KATNAL2: variants seen among roughly 807,000 people sequenced by gnomAD.
The protein encoded by KATNAL2 is katanin catalytic subunit A1 like 2.
A neutral mutation model predicts 76.3 loss-of-function variants in KATNAL2; 52 were observed. That is an observed-to-expected ratio of 0.68 (90% CI 0.55 to 0.86). The LOEUF is 0.86. Ranked by LOEUF, KATNAL2 falls within the 40% of genes least tolerant of loss-of-function variation. KATNAL2 has a pLI of 0.00. For synonymous variants in KATNAL2, 243 were observed against 244.2 expected, an observed-to-expected ratio of 1.00 and a Z score of 0.05; for missense variants, 660 against 668.9, an observed-to-expected ratio of 0.99 and a Z score of 0.15.
chr18:46,953,783 A>G (rs1938378296), intron 3 of KATNAL2, among the ~76,000 whole-genome samples: 1 of 151,908 alleles, frequency 6.6e-6, no homozygotes, highest in Admixed American at 6.6e-5. Flanking sequence ...AAAAAATGAG[A>G]CACCTAAAAT....
intron 15 of KATNAL2, chr18:47,091,144 GGA>G (rs1268957442): frequency 6.6e-6 from 1 of 152,210 alleles, no homozygotes; most frequent in Non-Finnish European, 1.5e-5. Flanking sequence ...GTTTAACAGT[GGA>G]GACAGGACGA....
At chr18:46,936,111 C>T (rs928795900) in intron 1 of KATNAL2, among the ~76,000 whole-genome samples, 6 of 152,084 alleles carry the variant, frequency 3.9e-5, no homozygotes, top group African/African-American at 1.4e-4. Context: ...AGACAAAATC[C>T]ACTTTTCTAT....
chr18:46,919,506 G>A (rs1212823086), intron 1 of KATNAL2, among the ~76,000 whole-genome samples: 1 of 150,078 alleles, frequency 6.7e-6, no homozygotes, highest in East Asian at 2.0e-4. Flanking sequence ...AAAATTAGCC[G>A]GGTGTGGTGG....
At position 47,044,051 on chromosome 18, in the gene KATNAL2, T is replaced by C. The variant is rs1002664860; in HGVS notation, c.52-2406T>C. Among the ~76,000 whole-genome samples, 5 of 152,174 alleles carry C rather than the reference T, an allele frequency of 3.3e-5. No individual in the cohort carries two copies. In the East Asian group the frequency reaches 9.6e-4, roughly 29 times the overall value. Reference sequence around the variant, plus strand: ...AACAATGATATATTATTTAGAAACATGGAAGTACATATCAGAAGAAACAGC... The same window carrying C: ...AACAATGATATATTATTTAGAAACACGGAAGTACATATCAGAAGAAACAGC... On this transcript the variant is annotated intron_variant, in intron 3 of 17. Coordinates refer to ENST00000683218, the MANE Select transcript of KATNAL2 (RefSeq NM_001387690.1).
intron 15 of KATNAL2, among the ~76,000 whole-genome samples, chr18:47,097,068 G>C (rs1253659406): frequency 6.8e-6 from 1 of 146,644 alleles, no homozygotes; most frequent in Non-Finnish European, 1.5e-5. Context: ...GCAGTGAGCT[G>C]TGACGGCACC....
At chr18:47,093,099 T>C (rs1382130413) in intron 15 of KATNAL2, among the ~76,000 whole-genome samples, 1 of 152,216 alleles carries the variant, frequency 6.6e-6, no homozygotes, top group Non-Finnish European at 1.5e-5. Context: ...TTTATGATCC[T>C]TTCTTTGTTC....
At chr18:46,962,090 C>A (rs2059993514) in intron 3 of KATNAL2, among the ~76,000 whole-genome samples, 1 of 152,240 alleles carries the variant, frequency 6.6e-6, no homozygotes, top group East Asian at 1.9e-4. Flanking sequence ...CTATTTTCAG[C>A]CACTTGAGCA....
intron 1 of KATNAL2, chr18:46,920,152 A>G: frequency 8.9e-7 from 1 of 1,128,012 alleles, no homozygotes; most frequent in Non-Finnish European, 1.2e-6. Flanking sequence ...TTTGACTGCA[A>G]AGAGTTCTAG....
chr18:47,049,748 C>G (rs1599664786), intron 4 of KATNAL2, among the ~76,000 whole-genome samples: 1 of 152,168 alleles, frequency 6.6e-6, no homozygotes. Context: ...CAGGGTCTCA[C>G]CTATCATCCA....
chr18:47,077,477 A>C lies in KATNAL2; in HGVS notation c.1211+16A>C, dbSNP rs753916228. The C allele has an allele frequency of 2.5e-6, 4 of 1,582,112 alleles. No individual in the cohort carries two copies. Among genetic ancestry groups the C allele is most frequent in the Non-Finnish European group, 3.5e-6 (4 of 1,151,052 alleles). ...ACCTGCCGTGGTAAGAGACCAAGAG[A>C]GTAAATTTTGAATACATTTTCAGGA... is the stretch of plus-strand genomic sequence containing the variant. On this transcript the variant is annotated intron_variant, in intron 15 of 17. Transcript: ENST00000683218.
At chr18:47,049,869 G>A (rs2060416) in intron 4 of KATNAL2, among the ~76,000 whole-genome samples, 2 of 151,796 alleles carry the variant, frequency 1.3e-5, no homozygotes, top group Non-Finnish European at 1.5e-5. Context: ...TGTATGCCAC[G>A]ACACTGTTTG....
At chr18:46,954,025 C>T (rs2059647305) in intron 3 of KATNAL2, among the ~76,000 whole-genome samples, 1 of 152,016 alleles carries the variant, frequency 6.6e-6, no homozygotes, top group Non-Finnish European at 1.5e-5. Context: ...GGGGTGAAAG[C>T]AGGGAATGGA....
intron 13 of KATNAL2, among the ~76,000 whole-genome samples, chr18:47,072,887 A>C (rs1441212785): frequency 6.6e-6 from 1 of 152,190 alleles, no homozygotes; most frequent in Non-Finnish European, 1.5e-5. Context: ...ATGGTAGTTC[A>C]TTGCATAAAT....
At chr18:46,949,338 C>T (rs553860236) in intron 3 of KATNAL2, among the ~76,000 whole-genome samples, 1 of 152,078 alleles carries the variant, frequency 6.6e-6, no homozygotes, top group Non-Finnish European at 1.5e-5. Context: ...CTGCAACCTC[C>T]GTCTCCCAGG....
chr18:47,055,496 G>A (rs1237787655), intron 6 of KATNAL2, among the ~76,000 whole-genome samples: 1 of 152,178 alleles, frequency 6.6e-6, no homozygotes, highest in African/African-American at 2.4e-5. Context: ...CAGGGCTGGT[G>A]GGCACAGCTT....
intron 1 of KATNAL2, among the ~76,000 whole-genome samples, chr18:46,918,790 G>A (rs2058305069): frequency 6.6e-6 from 1 of 151,940 alleles, no homozygotes; most frequent in East Asian, 1.9e-4. Context: ...TCTCTTCTTT[G>A]TTCCTAACTC....
intron 11 of KATNAL2, among the ~76,000 whole-genome samples, chr18:47,067,737 T>C (rs964671584): frequency 1.3e-5 from 2 of 152,250 alleles, no homozygotes; most frequent in African/African-American, 4.8e-5. Context: ...GCTTTTGTTG[T>C]ATAACAGACC....
At chr18:46,921,435 A>G (rs1010290357) in intron 1 of KATNAL2, among the ~76,000 whole-genome samples, 3 of 152,310 alleles carry the variant, frequency 2.0e-5, no homozygotes, top group South Asian at 4.1e-4. Context: ...ATAAAGTGTC[A>G]TAAGATTTTA....
intron 4 of KATNAL2, among the ~76,000 whole-genome samples, chr18:47,049,368 T>G (rs905197587): frequency 1.3e-5 from 2 of 152,228 alleles, no homozygotes; most frequent in African/African-American, 4.8e-5. Flanking sequence ...ATACCCAACT[T>G]GGTTCAGCAA....
Sources: gnomAD v4.1 joint callset for allele counts (sites outside exome capture counted in the v4.1 genomes callset) on GRCh38, gnomAD v4.1.1 for gene constraint, MANE v1.5 for transcripts, NCBI Gene and HGNC (gene_info 2026-07-23, HGNC 2026-07-21) for gene names.